MACROD2: variants seen among roughly 807,000 people sequenced by gnomAD.
MACROD2 encodes the protein mono-ADP ribosylhydrolase 2, also known as ADP-ribose glycohydrolase MACROD2.
MACROD2 carries 36 observed loss-of-function variants against 70.4 expected under a neutral mutation model. The observed-to-expected ratio is 0.51, with a 90% CI of 0.39 to 0.68. The LOEUF (loss-of-function observed/expected upper bound fraction) is 0.68. Ranked by LOEUF, MACROD2 falls within the 30% of genes least tolerant of loss-of-function variation. MACROD2 has a pLI of 0.00. For missense variants in MACROD2, 496 were observed against 538.4 expected (o/e 0.92, Z 0.78); for synonymous variants, 172 against 178.8 (o/e 0.96, Z 0.30).
intron 6 of MACROD2, among the ~76,000 whole-genome samples, chr20:15,354,755 T>C (rs983759197): frequency 6.6e-6 from 1 of 152,190 alleles, no homozygotes; most frequent in Non-Finnish European, 1.5e-5. Flanking sequence ...CTGAAATTGA[T>C]GGATTATTAT....
intron 5 of MACROD2, among the ~76,000 whole-genome samples, chr20:14,920,972 A>G (rs997289897): frequency 2.6e-5 from 4 of 152,184 alleles, no homozygotes; most frequent in Non-Finnish European, 5.9e-5. Flanking sequence ...TTAAGGGCAA[A>G]AAAACCTAGA....
chr20:14,037,165 A>C (rs538274207), intron 2 of MACROD2, among the ~76,000 whole-genome samples: 1 of 152,192 alleles, frequency 6.6e-6, no homozygotes, highest in African/African-American at 2.4e-5. Context: ...CTTGAGATGT[A>C]TAAGAGCCTT....
rs74179745 is a variant in MACROD2, at chr20:14,528,201, C to T, written c.301+34693C>T. ...CTTGGCTCACTGCAACCTCTGCCTCCTGGGTTCAAGTGATTCTCCTGCCTC... is the reference window on the plus strand; with the variant it reads ...CTTGGCTCACTGCAACCTCTGCCTCTTGGGTTCAAGTGATTCTCCTGCCTC... On this transcript the variant is annotated intron_variant, in intron 4 of 17. Transcript: ENST00000684519. Among the ~76,000 whole-genome samples the T allele has an allele frequency of 7.1e-3, 1,078 of 151,816 alleles. 7 individuals carry two copies. The highest frequency in any genetic ancestry group is 0.013 in the Non-Finnish European group (857 of 67,946).
intron 15 of MACROD2, among the ~76,000 whole-genome samples, chr20:16,022,258 A>G (rs1233840743): frequency 6.6e-6 from 1 of 152,092 alleles, no homozygotes; most frequent in Non-Finnish European, 1.5e-5. Context: ...TCACCATGTT[A>G]GCCAGGATGG....
At chr20:14,925,218 T>C (rs889893396) in intron 5 of MACROD2, among the ~76,000 whole-genome samples, 47 of 152,150 alleles carry the variant, frequency 3.1e-4, no homozygotes, top group African/African-American at 1.1e-3. Context: ...GTTAAGATTA[T>C]GCTCATTTTC....
intron 4 of MACROD2, among the ~76,000 whole-genome samples, chr20:14,586,408 G>A (rs1253552696): frequency 6.6e-6 from 1 of 152,054 alleles, no homozygotes; most frequent in African/African-American, 2.4e-5. Flanking sequence ...GGTGCCATGT[G>A]AAAAGATGCA....
chr20:14,943,546 G>T (rs1231491810), intron 5 of MACROD2, among the ~76,000 whole-genome samples: 1 of 152,060 alleles, frequency 6.6e-6, no homozygotes, highest in East Asian at 1.9e-4. Flanking sequence ...CCTTTGTCAA[G>T]ATGTATTTTA....
rs539709760 is a variant in MACROD2, at chr20:14,496,905, C to T, written c.301+3397C>T. The stretch of plus-strand genomic sequence containing the variant: ...TTCCATTATTATTACCAACAGTACC[C>T]TGTATATTATTTTACCTGTTGTTAT... On this transcript the variant is annotated intron_variant, in intron 4 of 17. Coordinates refer to ENST00000684519, the MANE Select transcript of MACROD2 (RefSeq NM_001351661.2). Among the ~76,000 whole-genome samples, 7 of 151,742 alleles carry T rather than the reference C, an allele frequency of 4.6e-5. No individual in the cohort carries two copies. The East Asian group carries it at 1.2e-3, about 25-fold the overall frequency.
At chr20:15,816,886 A>G (rs931904981) in intron 8 of MACROD2, among the ~76,000 whole-genome samples, 3 of 152,238 alleles carry the variant, frequency 2.0e-5, no homozygotes, top group African/African-American at 7.2e-5. Context: ...GTAGTGATAA[A>G]TTGATAAACC....
chr20:14,111,798 T>C (rs1487410693), intron 3 of MACROD2, among the ~76,000 whole-genome samples: 13 of 151,978 alleles, frequency 8.6e-5, no homozygotes, highest in Admixed American at 7.9e-4. Context: ...GAGAACAGTT[T>C]GGTTCCTCAA....
intron 5 of MACROD2, among the ~76,000 whole-genome samples, chr20:14,918,477 G>A (rs1379630818): frequency 6.6e-6 from 1 of 152,188 alleles, no homozygotes; most frequent in African/African-American, 2.4e-5. Flanking sequence ...TTGGATAGGA[G>A]AGTAGGCATA....
chr20:15,520,114 G>A (rs559928925), intron 8 of MACROD2, among the ~76,000 whole-genome samples: 56 of 152,302 alleles, frequency 3.7e-4, no homozygotes, highest in African/African-American at 1.3e-3. Context: ...ATAGAAAAAT[G>A]ATTAATGATG....
In MACROD2 at chr20:14,208,019, A is replaced by G. The variant is rs1022780562; in HGVS notation, c.271+122291A>G. ...TAAAATAGGAGTTGAAGTGAAAACA[A>G]TTTCTCTGTTGGAAATTGATATGTT... On this transcript the variant is annotated intron_variant, in intron 3 of 17. Coordinates refer to ENST00000684519, the MANE Select transcript of MACROD2 (RefSeq NM_001351661.2). Among the ~76,000 whole-genome samples the G allele has an allele frequency of 4.6e-5, 7 of 152,300 alleles. No individual in the cohort carries two copies. The East Asian group carries it at 5.8e-4, about 13-fold the overall frequency.
intron 3 of MACROD2, among the ~76,000 whole-genome samples, chr20:14,273,399 G>A (rs1415334248): frequency 1.3e-5 from 2 of 150,108 alleles, no homozygotes; most frequent in African/African-American, 2.5e-5. Flanking sequence ...TGACTACTGG[G>A]TACATAACGA....
At chr20:14,170,542 T>G (rs951730622) in intron 3 of MACROD2, among the ~76,000 whole-genome samples, 1 of 152,156 alleles carries the variant, frequency 6.6e-6, no homozygotes, top group African/African-American at 2.4e-5. Flanking sequence ...TTGTTGAGGG[T>G]TTTCATCATA....
chr20:14,059,303 C>T (rs1039688228), intron 2 of MACROD2, among the ~76,000 whole-genome samples: 2 of 152,000 alleles, frequency 1.3e-5, no homozygotes, highest in African/African-American at 4.8e-5. Context: ...TTTTTGTAAA[C>T]ATATTTACAA....
chr20:15,118,043 T>C (rs898538897), intron 5 of MACROD2, among the ~76,000 whole-genome samples: 1 of 152,124 alleles, frequency 6.6e-6, no homozygotes, highest in African/African-American at 2.4e-5. Context: ...CTCTCAGGAT[T>C]GATGGGTACC....
At chr20:14,916,182 A>T (rs2074089026) in intron 5 of MACROD2, among the ~76,000 whole-genome samples, 1 of 152,110 alleles carries the variant, frequency 6.6e-6, no homozygotes. Context: ...GCATCATGAA[A>T]CGCAGAGCTG....
chr20:15,090,712 A>C (rs2075786541), intron 5 of MACROD2, among the ~76,000 whole-genome samples: 1 of 152,064 alleles, frequency 6.6e-6, no homozygotes, highest in Non-Finnish European at 1.5e-5. Context: ...AGTATTCAAG[A>C]GACTAGGAAG....
Sources: gnomAD v4.1 joint callset for allele counts (sites outside exome capture counted in the v4.1 genomes callset) on GRCh38, gnomAD v4.1.1 for gene constraint, MANE v1.5 for transcripts, NCBI Gene and HGNC (gene_info 2026-07-23, HGNC 2026-07-21) for gene names.